Variants in LEKR1 observed in about 807,000 individuals in gnomAD.
LEKR1 encodes the protein leucine, glutamate and lysine rich 1.
In LEKR1, 59 loss-of-function variants were observed where a neutral mutation model predicts 72.4. The observed-to-expected ratio is 0.82, with a 90% CI of 0.66 to 1.01. LEKR1 has a LOEUF of 1.01. LEKR1 is among the 50% of genes least tolerant of loss of function. The pLI is 0.00. For synonymous variants in LEKR1, 257 were observed against 263.2 expected (o/e 0.98, Z 0.23); for missense variants, 728 against 759.2 (o/e 0.96, Z 0.48).
chr3:156,869,785 T>A (rs1185516454), intron 3 of LEKR1, among the ~76,000 whole-genome samples: 7 of 151,994 alleles, frequency 4.6e-5, no homozygotes, highest in African/African-American at 1.4e-4. Context: ...TCTGCCTAGA[T>A]CAATGTCCTG....
At chr3:156,890,465 T>A (rs1720536238) in intron 3 of LEKR1, among the ~76,000 whole-genome samples, 1 of 152,194 alleles carries the variant, frequency 6.6e-6, no homozygotes, top group African/African-American at 2.4e-5. Context: ...AATTATTATG[T>A]GATTTACTAC....
intron 2 of LEKR1, among the ~76,000 whole-genome samples, chr3:156,844,911 T>TG (rs56819674): frequency 0.029 from 4,368 of 151,496 alleles, 227 homozygotes; most frequent in African/African-American, 0.1. Context: ...TACAGGTTTT[T>TG]TTTTTTTTTT....
chr3:156,973,195 T>G (rs1392976149), intron 6 of LEKR1, among the ~76,000 whole-genome samples: 1 of 152,152 alleles, frequency 6.6e-6, no homozygotes, highest in Non-Finnish European at 1.5e-5. Flanking sequence ...CAGTGATTAT[T>G]TTTTAATCAA....
intron 6 of LEKR1, among the ~76,000 whole-genome samples, chr3:156,965,507 G>A (rs1728487369): frequency 6.6e-6 from 1 of 152,036 alleles, no homozygotes; most frequent in Non-Finnish European, 1.5e-5. Flanking sequence ...CCCACACACA[G>A]CAAAATAATT....
chr3:157,024,879 T>C lies in LEKR1; in HGVS notation c.1323T>C (p.Asp441=). ...QLDIEKEKHQ[D]VIQKYKKEQE... is the part of the protein sequence containing the mutation. ...ATATTGAAAAAGAAAAACACCAAGATGTAATCCAAAAGTATAAGAAAGAAC... is the reference window on the plus strand; with the variant it reads ...ATATTGAAAAAGAAAAACACCAAGACGTAATCCAAAAGTATAAGAAAGAAC... The change falls in exon 11 of 13, where the codon GAT becomes GAC. Residue 441 remains aspartate (D), a synonymous_variant. Transcript: ENST00000356539. 3 of 1,607,126 alleles carry C rather than the reference T, an allele frequency of 1.9e-6. No homozygotes were observed. The South Asian group carries it at 3.3e-5, about 18-fold the overall frequency.
intron 7 of LEKR1, among the ~76,000 whole-genome samples, chr3:156,989,177 C>A (rs547919515): frequency 6.6e-6 from 1 of 152,074 alleles, no homozygotes; most frequent in Non-Finnish European, 1.5e-5. Flanking sequence ...ATATCCTGGA[C>A]GTTTTTCCAT....
intron 12 of LEKR1, among the ~76,000 whole-genome samples, chr3:157,030,105 G>A (rs1449668898): frequency 3.9e-5 from 6 of 152,274 alleles, no homozygotes; most frequent in Admixed American, 6.5e-5. Flanking sequence ...CAATCATGGC[G>A]GAAGGTGAAG....
chr3:156,995,784 A>G (rs1731511297), intron 9 of LEKR1, among the ~76,000 whole-genome samples: 1 of 152,188 alleles, frequency 6.6e-6, no homozygotes, highest in Non-Finnish European at 1.5e-5. Flanking sequence ...GTCAGCTGAG[A>G]TCACGCCATT....
At chr3:156,841,207 G>A (rs1713859759) in intron 2 of LEKR1, among the ~76,000 whole-genome samples, 1 of 152,206 alleles carries the variant, frequency 6.6e-6, no homozygotes, top group Non-Finnish European at 1.5e-5. Flanking sequence ...TGAAGGCCTA[G>A]TATTTCCACA....
chr3:157,011,410 C>T lies in LEKR1; in HGVS notation c.1110-3C>T, dbSNP rs35223408. 48,902 of 1,608,854 alleles carry T rather than the reference C, an allele frequency of 0.03. 872 individuals are homozygous for T. The highest frequency in any genetic ancestry group is 0.054 in the Middle Eastern group (325 of 6,046). On this transcript the variant is annotated splice_polypyrimidine_tract_variant and splice_region_variant and intron_variant, in intron 9 of 12. Coordinates refer to ENST00000356539, the MANE Select transcript of LEKR1 (RefSeq NM_001004316.3). ...ACTCATTTGTCGGGTTTGTGATTTT[C>T]AGGGAATTGATGCTGATTTCACATC...
chr3:156,944,359 C>T (rs1343587190), intron 6 of LEKR1, among the ~76,000 whole-genome samples: 6 of 151,624 alleles, frequency 4.0e-5, no homozygotes, highest in East Asian at 1.9e-4. Flanking sequence ...AATTATGTCA[C>T]GGTAAATGAG....
chr3:156,911,643 A>C lies in LEKR1; in HGVS notation c.264-8932A>C, dbSNP rs190141722. Among the ~76,000 whole-genome samples, 1,143 of 152,220 alleles carry C rather than the reference A, an allele frequency of 7.5e-3. 10 individuals carry two copies. The highest frequency in any genetic ancestry group is 0.013 in the Admixed American group (192 of 15,276). ...GGATTTTTATAGTTTGAGGTCTTACATTTAAATCTTTAATCCATCTTGAGT... is the reference window on the plus strand; with the variant it reads ...GGATTTTTATAGTTTGAGGTCTTACCTTTAAATCTTTAATCCATCTTGAGT... On this transcript the variant is annotated intron_variant, in intron 3 of 12. Transcript: ENST00000356539.
chr3:156,944,339 A>G (rs1050478784), intron 6 of LEKR1, among the ~76,000 whole-genome samples: 14 of 151,848 alleles, frequency 9.2e-5, no homozygotes, highest in African/African-American at 3.4e-4. Context: ...ACAGGCATAC[A>G]ATGTATAATA....
Position 156,901,832 on chromosome 3 carries a change from G to A in LEKR1, c.264-18743G>A, listed in dbSNP as rs1369919754. ...CTCCCAAATAGCTGGGACTACAGGC[G>A]CCGGCCCCAAACCCAGCTAATTTTT... is the stretch of plus-strand genomic sequence containing the variant. On this transcript the variant is annotated intron_variant, in intron 3 of 12. Coordinates refer to ENST00000356539, the MANE Select transcript of LEKR1 (RefSeq NM_001004316.3). 5.9e-5 allele frequency among the ~76,000 whole-genome samples: 9 copies of A among 151,964 alleles called. No individual in the cohort carries two copies. In the East Asian group the frequency reaches 9.7e-4, roughly 16 times the overall value.
chr3:156,856,000 G>T (rs1248447914), intron 3 of LEKR1, among the ~76,000 whole-genome samples: 1 of 130,570 alleles, frequency 7.7e-6, no homozygotes. Flanking sequence ...TACAATGAAA[G>T]CAAAGGTATT....
intron 2 of LEKR1, among the ~76,000 whole-genome samples, chr3:156,843,389 T>A (rs183496337): frequency 6.6e-6 from 1 of 152,260 alleles, no homozygotes; most frequent in African/African-American, 2.4e-5. Flanking sequence ...GGAACTGATC[T>A]TTTGTTTTTT....
chr3:156,859,003 A>G (rs952704081), intron 3 of LEKR1, among the ~76,000 whole-genome samples: 4 of 152,170 alleles, frequency 2.6e-5, no homozygotes, highest in African/African-American at 9.6e-5. Context: ...TTTTTATTCC[A>G]GGTTGAAGAG....
At chr3:157,021,125 T>G (rs1198082348) in intron 10 of LEKR1, among the ~76,000 whole-genome samples, 1 of 152,062 alleles carries the variant, frequency 6.6e-6, no homozygotes, top group African/African-American at 2.4e-5. Flanking sequence ...TTGATGGGGT[T>G]GTTTGTTTTT....
At chr3:157,011,915 G>A (rs1732922217) in intron 10 of LEKR1, among the ~76,000 whole-genome samples, 1 of 151,808 alleles carries the variant, frequency 6.6e-6, no homozygotes, top group Non-Finnish European at 1.5e-5. Context: ...TTTGGTTTTG[G>A]ACTTTTGACA....
Sources: gnomAD v4.1 joint callset for allele counts (sites outside exome capture counted in the v4.1 genomes callset) on GRCh38, gnomAD v4.1.1 for gene constraint, MANE v1.5 for transcripts, NCBI Gene and HGNC (gene_info 2026-07-23, HGNC 2026-07-21) for gene names.